Variants in FSHR observed in about 807,000 individuals in gnomAD.
The protein encoded by FSHR is follicle-stimulating hormone receptor.
A neutral mutation model predicts 52.1 loss-of-function variants in FSHR; 46 were observed. The ratio of observed to expected loss-of-function variants is 0.88; its 90% CI spans 0.70 to 1.13. The LOEUF (loss-of-function observed/expected upper bound fraction) is 1.13. Ranked by LOEUF, FSHR falls within the 50% of genes most tolerant of loss-of-function variation. The pLI, the probability that FSHR is intolerant of heterozygous loss-of-function variation, is 0.00. For missense variants in FSHR, 964 were observed against 834.6 expected, an observed-to-expected ratio of 1.16 and a Z score of -1.91; for synonymous variants, 399 against 309.6, an observed-to-expected ratio of 1.29 and a Z score of -3.03.
chr2:49,006,643 C>T (rs916848841), intron 4 of FSHR, among the ~76,000 whole-genome samples: 2 of 152,128 alleles, frequency 1.3e-5, no homozygotes, highest in East Asian at 1.9e-4. Context: ...CAAGCTTTCC[C>T]TGACTAGTCT....
chr2:49,021,863 C>CTCTCTCTCTCTATA (rs1467766420), intron 2 of FSHR, among the ~76,000 whole-genome samples: 3 of 49,866 alleles, frequency 6.0e-5, no homozygotes, highest in Non-Finnish European at 7.4e-5. Flanking sequence ...CTCTCTCTCT[C>CTCTCTCTCTCTATA]TATATATATA....
intron 8 of FSHR, among the ~76,000 whole-genome samples, chr2:48,981,895 C>T (rs1007541): frequency 0.16 from 23,958 of 152,100 alleles, 2,135 homozygotes; most frequent in East Asian, 0.29. Context: ...GGCTTCTAAA[C>T]GCCTGACTTG....
At chr2:49,127,849 T>C (rs1558456822) in intron 1 of FSHR, among the ~76,000 whole-genome samples, 1 of 25,532 alleles carries the variant, frequency 3.9e-5, no homozygotes, top group African/African-American at 3.2e-4. Flanking sequence ...TTCTTCTTCT[T>C]CTTCTTCTTC....
At chr2:48,999,314 G>T (rs1676156605) in intron 4 of FSHR, among the ~76,000 whole-genome samples, 1 of 152,022 alleles carries the variant, frequency 6.6e-6, no homozygotes, top group African/African-American at 2.4e-5. Flanking sequence ...CCTCATATTA[G>T]AGTTGAGGAT....
At chr2:49,032,884 T>G (rs890891452) in intron 2 of FSHR, among the ~76,000 whole-genome samples, 1 of 152,194 alleles carries the variant, frequency 6.6e-6, no homozygotes, top group Non-Finnish European at 1.5e-5. Context: ...TATTTTTTCC[T>G]AAAAATATAA....
At chr2:48,988,763 A>T (rs1031283580) in intron 6 of FSHR, among the ~76,000 whole-genome samples, 3 of 152,202 alleles carry the variant, frequency 2.0e-5, no homozygotes, top group Non-Finnish European at 4.4e-5. Flanking sequence ...AATTTTAAAT[A>T]CTTGAATCAC....
chr2:48,970,988 A>G (rs1388203826), intron 8 of FSHR, among the ~76,000 whole-genome samples: 1 of 152,170 alleles, frequency 6.6e-6, no homozygotes, highest in African/African-American at 2.4e-5. Flanking sequence ...GACAAATGCA[A>G]AGGTCTTATA....
At position 49,121,282 on chromosome 2, in the gene FSHR, G is replaced by A. The variant is rs991303845; in HGVS notation, c.152+32984C>T. ...TTATGAAGTGCATACATTTGGGCAA[G>A]TCATTTAACCTCCCTGACCTTCAGT... On this transcript the variant is annotated intron_variant, in intron 1 of 9. Transcript: ENST00000406846. Among the ~76,000 whole-genome samples, 3 of 152,168 alleles carry A rather than the reference G, an allele frequency of 2.0e-5. No homozygotes were observed. The East Asian group carries it at 5.8e-4, about 29-fold the overall frequency.
intron 1 of FSHR, among the ~76,000 whole-genome samples, chr2:49,087,070 G>GCTTTTT (rs60949511): frequency 1.2e-5 from 1 of 86,728 alleles, no homozygotes; most frequent in Admixed American, 1.7e-4. Context: ...TGTGGGCAGG[G>GCTTTTT]TTTTTTTTTT....
intron 1 of FSHR, among the ~76,000 whole-genome samples, chr2:49,086,608 T>C (rs1218947891): frequency 6.6e-6 from 1 of 152,234 alleles, no homozygotes; most frequent in Non-Finnish European, 1.5e-5. Flanking sequence ...TGGAGGTGGG[T>C]GTGCTATCAG....
intron 2 of FSHR, among the ~76,000 whole-genome samples, chr2:49,057,071 G>T (rs991639841): frequency 6.6e-6 from 1 of 151,700 alleles, no homozygotes; most frequent in African/African-American, 2.4e-5. Context: ...AGATTTCCCA[G>T]CCTCAAATAA....
intron 8 of FSHR, among the ~76,000 whole-genome samples, chr2:48,981,547 C>A (rs1218032190): frequency 6.6e-6 from 1 of 152,246 alleles, no homozygotes; most frequent in Middle Eastern, 3.4e-3. Context: ...CACGGATACT[C>A]CATTTGTATA....
intron 1 of FSHR, among the ~76,000 whole-genome samples, chr2:49,085,252 T>G (rs973073004): frequency 1.3e-5 from 2 of 152,246 alleles, no homozygotes; most frequent in Non-Finnish European, 1.5e-5. Context: ...ACCCACATGA[T>G]TATCTCGATA....
intron 2 of FSHR, among the ~76,000 whole-genome samples, chr2:49,021,863 C>CTCTATA (rs1467766420): frequency 2.0e-4 from 10 of 49,858 alleles, no homozygotes; most frequent in African/African-American, 3.3e-4. Flanking sequence ...CTCTCTCTCT[C>CTCTATA]TATATATATA....
At chr2:48,973,619 G>C (rs1232384990) in intron 8 of FSHR, among the ~76,000 whole-genome samples, 1 of 152,190 alleles carries the variant, frequency 6.6e-6, no homozygotes, top group Non-Finnish European at 1.5e-5. Context: ...TTTTACCACT[G>C]ACTATCTTTT....
At chr2:49,078,851 G>A (rs2103649457) in intron 1 of FSHR, among the ~76,000 whole-genome samples, 1 of 152,056 alleles carries the variant, frequency 6.6e-6, no homozygotes, top group African/African-American at 2.4e-5. Flanking sequence ...TATTGTGCTG[G>A]ATACCCTGGC....
At chr2:49,010,690 T>C (rs1409016259) in intron 4 of FSHR, among the ~76,000 whole-genome samples, 1 of 151,940 alleles carries the variant, frequency 6.6e-6, no homozygotes, top group Non-Finnish European at 1.5e-5. Flanking sequence ...CTATTGATTA[T>C]TGCCACAATT....
At chr2:48,987,349 G>A (rs185576959) in intron 6 of FSHR, among the ~76,000 whole-genome samples, 2 of 151,934 alleles carry the variant, frequency 1.3e-5, no homozygotes, top group African/African-American at 2.4e-5. Flanking sequence ...GATTACAGAT[G>A]CCTGCCACCA....
chr2:48,988,182 AACT>A (rs1675603899), intron 6 of FSHR, among the ~76,000 whole-genome samples: 1 of 152,172 alleles, frequency 6.6e-6, no homozygotes, highest in African/African-American at 2.4e-5. Context: ...TATGGACTGG[AACT>A]TATGTTTTGT....
Sources: allele counts gnomAD v4.1 joint callset (sites outside exome capture counted in the v4.1 genomes callset), GRCh38; gene constraint gnomAD v4.1.1; transcripts MANE v1.5; gene names NCBI Gene and HGNC (gene_info 2026-07-23, HGNC 2026-07-21).